DMD: variants seen among roughly 807,000 people sequenced by gnomAD.
The protein encoded by DMD is dystrophin.
Under a neutral mutation model 330.1 loss-of-function variants are expected in DMD, and 63 were observed. The observed-to-expected ratio is 0.19, with a 90% CI of 0.16 to 0.24. The LOEUF (loss-of-function observed/expected upper bound fraction) is 0.24. Ranked by LOEUF, DMD falls within the 10% of genes least tolerant of loss-of-function variation. DMD has a pLI of 1.00. For missense variants in DMD, 3,344 were observed against 2,684.1 expected, an observed-to-expected ratio of 1.25 and a Z score of -5.43; for synonymous variants, 1,223 against 959.8, an observed-to-expected ratio of 1.27 and a Z score of -5.07.
At chrX:31,535,984 C>T (rs1378326630) in intron 55 of DMD, among the ~76,000 whole-genome samples, 1 of 112,041 alleles carries the variant, frequency 8.9e-6, no homozygotes, top group Non-Finnish European at 1.9e-5. Flanking sequence ...CTTAATTTAA[C>T]ACCTAGAAAA....
intron 11 of DMD, among the ~76,000 whole-genome samples, chrX:32,619,198 A>G (rs1006830883): frequency 1.8e-5 from 2 of 111,787 alleles, no homozygotes; most frequent in Admixed American, 1.9e-4. Context: ...GTTAAGTGAA[A>G]TAAGCCAGTA....
chrX:32,217,110 A>G, intron 43 of DMD, 47 bp from the exon 44 acceptor site: 1 of 1,154,070 alleles, frequency 8.7e-7, no homozygotes, highest in Non-Finnish European at 1.2e-6. Flanking sequence ...GGATTATGTA[A>G]AACAGATTAT....
At chrX:32,839,056 A>G (rs1186350122) in intron 4 of DMD, among the ~76,000 whole-genome samples, 1 of 111,874 alleles carries the variant, frequency 8.9e-6, no homozygotes, top group African/African-American at 3.3e-5. Flanking sequence ...CTTATGACCC[A>G]TTTAATTTCT....
intron 1 of DMD, among the ~76,000 whole-genome samples, chrX:33,325,382 T>A (rs1333146173): frequency 8.9e-6 from 1 of 111,891 alleles, no homozygotes; most frequent in Admixed American, 9.5e-5. Flanking sequence ...TAGGAGATTA[T>A]AAAGTAATTA....
chrX:32,072,539 T>C (rs1469763338), intron 44 of DMD, among the ~76,000 whole-genome samples: 2 of 111,773 alleles, frequency 1.8e-5, no homozygotes, highest in African/African-American at 3.3e-5. Context: ...GTACAGATTG[T>C]AGTATCTATC....
rs770155068 is a variant in DMD, at chrX:32,270,507, G to A, written c.6290+17022C>T. ...AAGTTGCAAGTCTCAGTTCTGTTTTGTAGTAGTGTTATACACCCACACTCT... is the reference window on the plus strand; with the variant it reads ...AAGTTGCAAGTCTCAGTTCTGTTTTATAGTAGTGTTATACACCCACACTCT... On this transcript the variant is annotated intron_variant, in intron 43 of 78. Coordinates refer to ENST00000357033, the MANE Select transcript of DMD (RefSeq NM_004006.3). Among the ~76,000 whole-genome samples the A allele has an allele frequency of 5.4e-5, 6 of 111,929 alleles. No homozygotes were observed. In the South Asian group the frequency reaches 2.2e-3, roughly 41 times the overall value.
At chrX:32,282,411 T>C (rs1035787854) in intron 43 of DMD, among the ~76,000 whole-genome samples, 8 of 112,280 alleles carry the variant, frequency 7.1e-5, no homozygotes, top group African/African-American at 2.6e-4. Context: ...AGCAGTAATA[T>C]TAATTTCCCA....
intron 9 of DMD, among the ~76,000 whole-genome samples, chrX:32,684,724 T>A (rs1392172604): frequency 9.0e-6 from 1 of 111,478 alleles, no homozygotes; most frequent in Non-Finnish European, 1.9e-5. Flanking sequence ...GTATGTCTTT[T>A]TACATACTTA....
chrX:32,045,082 G>GT (rs200618969), intron 44 of DMD, among the ~76,000 whole-genome samples: 12 of 109,373 alleles, frequency 1.1e-4, no homozygotes, highest in Admixed American at 2.0e-4. Context: ...ATGAGATCTG[G>GT]TTTTTTTTTA....
At chrX:32,745,017 C>A (rs188168223) in intron 7 of DMD, among the ~76,000 whole-genome samples, 257 of 111,706 alleles carry the variant, frequency 2.3e-3, no homozygotes, top group Middle Eastern at 4.6e-3. Flanking sequence ...GATACCTACA[C>A]AACAACTGTA....
intron 57 of DMD, among the ~76,000 whole-genome samples, chrX:31,481,387 A>G (rs1444949839): frequency 8.9e-6 from 1 of 112,141 alleles, no homozygotes; most frequent in African/African-American, 3.2e-5. Context: ...GGCAATTGTA[A>G]GAATTCAGTG....
rs144361202 is a variant in DMD at position 31,725,056 on chromosome X, A to G, written c.7660+4575T>C. On this transcript the variant is annotated intron_variant, in intron 52 of 78. Transcript: ENST00000357033. ...CCTAATATTTTAAGTTGTCAGATAAATATACCTTCCTATTTTTCTGACTAA... is the reference window on the plus strand; with the variant it reads ...CCTAATATTTTAAGTTGTCAGATAAGTATACCTTCCTATTTTTCTGACTAA... 6.2e-3 allele frequency among the ~76,000 whole-genome samples: 694 copies of G among 111,909 alleles called. 7 individuals are homozygous for G. Among genetic ancestry groups the G allele is most frequent in the African/African-American group, 0.017 (535 of 30,853 alleles).
chrX:32,824,287 A>C (rs913329916), intron 4 of DMD, among the ~76,000 whole-genome samples: 2 of 111,828 alleles, frequency 1.8e-5, no homozygotes, highest in Non-Finnish European at 3.8e-5. Context: ...ACACATGTGT[A>C]CACAAAAACC....
intron 62 of DMD, 136 bp from the exon 63 acceptor site, chrX:31,261,152 C>G: frequency 1.9e-6 from 1 of 532,259 alleles, no homozygotes; most frequent in South Asian, 2.8e-5. Context: ...AAAGCGCTTC[C>G]ATAGTGTATT....
rs142160911 is a variant in DMD, at chrX:32,087,198, C to T, written c.6439-118684G>A. 2.3e-3 allele frequency among the ~76,000 whole-genome samples: 254 copies of T among 111,559 alleles called. 2 individuals carry two copies. The highest frequency in any genetic ancestry group is 0.022 in the East Asian group (77 of 3,520). On this transcript the variant is annotated intron_variant, in intron 44 of 78. Transcript: ENST00000357033. ...CTTAACTTATCCACTGATGTAGAAA[C>T]GTACATGTAATTGAGAAAAATAATA...
At chrX:31,308,133 T>A (rs1161587198) in intron 62 of DMD, among the ~76,000 whole-genome samples, 2 of 111,818 alleles carry the variant, frequency 1.8e-5, no homozygotes, top group Non-Finnish European at 3.8e-5. Flanking sequence ...ACCACTCACC[T>A]CCTGCTGTTC....
intron 2 of DMD, among the ~76,000 whole-genome samples, chrX:32,866,340 T>C (rs956270619): frequency 8.9e-6 from 1 of 112,495 alleles, no homozygotes; most frequent in Non-Finnish European, 1.9e-5. Context: ...TGTTTTAACC[T>C]ACTGAGTTTC....
chrX:31,540,444 C>T (rs1474356918), intron 55 of DMD, among the ~76,000 whole-genome samples: 1 of 112,091 alleles, frequency 8.9e-6, no homozygotes, highest in Non-Finnish European at 1.9e-5. Context: ...TAAACATGTG[C>T]TTTTCTAAAC....
chrX:32,737,347 T>C (rs1021346584), intron 7 of DMD, among the ~76,000 whole-genome samples: 2 of 111,479 alleles, frequency 1.8e-5, no homozygotes, highest in African/African-American at 6.5e-5. Flanking sequence ...GGAAAGCTTT[T>C]TCTATGAAAA....
Sources: allele counts gnomAD v4.1 joint callset (sites outside exome capture counted in the v4.1 genomes callset), GRCh38; gene constraint gnomAD v4.1.1; transcripts MANE v1.5; gene names NCBI Gene and HGNC (gene_info 2026-07-23, HGNC 2026-07-21).